Variants in ARHGAP32 observed in about 807,000 individuals in gnomAD.
ARHGAP32 encodes the protein rho GTPase-activating protein 32.
In ARHGAP32, 51 loss-of-function variants were observed where a neutral mutation model predicts 186.5. That is an observed-to-expected ratio of 0.27 (90% CI 0.22 to 0.35). The LOEUF is 0.35. Ranked by LOEUF, ARHGAP32 falls within the 10% of genes least tolerant of loss-of-function variation. ARHGAP32 has a pLI of 1.00. For missense variants in ARHGAP32, 2,186 were observed against 2,623.5 expected, an observed-to-expected ratio of 0.83 and a Z score of 3.64; for synonymous variants, 950 against 964.3, an observed-to-expected ratio of 0.99 and a Z score of 0.27.
At chr11:129,167,236 T>A (rs1261048539) in intron 1 of ARHGAP32, among the ~76,000 whole-genome samples, 1 of 152,150 alleles carries the variant, frequency 6.6e-6, no homozygotes, top group African/African-American at 2.4e-5. Flanking sequence ...CTGGGAAAGA[T>A]ACGGAGAAAT....
chr11:129,047,657 T>A (rs1003582372), intron 10 of ARHGAP32, among the ~76,000 whole-genome samples: 8 of 151,970 alleles, frequency 5.3e-5, no homozygotes, highest in African/African-American at 1.9e-4. Context: ...TTTGAACCAA[T>A]ACAAATTCAC....
intron 11 of ARHGAP32, among the ~76,000 whole-genome samples, chr11:129,020,470 A>C (rs1255951700): frequency 6.6e-6 from 1 of 152,002 alleles, no homozygotes; most frequent in Non-Finnish European, 1.5e-5. Context: ...ACTGTTGTTT[A>C]CTTCTTTATT....
rs113342642 is a variant in ARHGAP32, at chr11:129,078,254, G to A, written c.532-11386C>T. On this transcript the variant is annotated intron_variant, in intron 6 of 22. Coordinates refer to ENST00000682385, the MANE Select transcript of ARHGAP32 (RefSeq NM_001378024.1). Reference sequence around the variant, plus strand: ...CAGGAAGCCCCATCCCTAGGGGAAGGGGGTGAGCACCACATCAAGAGAGCA... The same window carrying A: ...CAGGAAGCCCCATCCCTAGGGGAAGAGGGTGAGCACCACATCAAGAGAGCA... Among the ~76,000 whole-genome samples the A allele has an allele frequency of 1.7e-3, 261 of 152,208 alleles. 2 individuals are homozygous for A. The highest frequency in any genetic ancestry group is 2.6e-3 in the Admixed American group (40 of 15,294).
chr11:129,188,351 C>T (rs1944204334), intron 1 of ARHGAP32, among the ~76,000 whole-genome samples: 1 of 152,170 alleles, frequency 6.6e-6, no homozygotes, highest in Non-Finnish European at 1.5e-5. Context: ...GATAAAAGAA[C>T]AGGCAGAGTA....
At chr11:129,153,384 T>C (rs546221910) in intron 2 of ARHGAP32, among the ~76,000 whole-genome samples, 3 of 152,092 alleles carry the variant, frequency 2.0e-5, no homozygotes, top group African/African-American at 7.2e-5. Context: ...CAAAAAACAA[T>C]TCTAAAATTT....
upstream of ARHGAP32, among the ~76,000 whole-genome samples, chr11:129,279,605 C>A (rs558062134): frequency 0.011 from 1,639 of 146,502 alleles, 28 homozygotes; most frequent in African/African-American, 0.038. Flanking sequence ...TCCTCCTGCA[C>A]CCGCGACGCC....
intron 2 of ARHGAP32, among the ~76,000 whole-genome samples, chr11:129,159,966 C>T (rs545921101): frequency 6.6e-6 from 1 of 152,050 alleles, no homozygotes; most frequent in South Asian, 2.1e-4. Context: ...AATAACAAAA[C>T]AGAACCAATG....
At chr11:129,048,532 C>G (rs1435461900) in intron 10 of ARHGAP32, among the ~76,000 whole-genome samples, 1 of 150,602 alleles carries the variant, frequency 6.6e-6, no homozygotes, top group African/African-American at 2.4e-5. Context: ...AAGAGAAGAA[C>G]CAAAGGGTGA....
intron 1 of ARHGAP32, among the ~76,000 whole-genome samples, chr11:129,237,923 A>C (rs900806761): frequency 2.0e-5 from 3 of 152,134 alleles, no homozygotes; most frequent in African/African-American, 7.2e-5. Flanking sequence ...GATCCAAAGA[A>C]GTGAGAGTGA....
intron 5 of ARHGAP32, among the ~76,000 whole-genome samples, chr11:129,114,594 C>T (rs1340199907): frequency 2.0e-5 from 3 of 152,082 alleles, no homozygotes; most frequent in African/African-American, 7.2e-5. Flanking sequence ...AGTACCTGAA[C>T]TACATGTACA....
chr11:129,115,989 A>T (rs1942357607), intron 5 of ARHGAP32, among the ~76,000 whole-genome samples: 1 of 152,054 alleles, frequency 6.6e-6, no homozygotes, highest in African/African-American at 2.4e-5. Context: ...TAAACACAGG[A>T]TATCTCTGGT....
At chr11:129,179,519 T>C (rs368111451) in intron 1 of ARHGAP32, among the ~76,000 whole-genome samples, 14,872 of 144,884 alleles carry the variant, frequency 0.1, 975 homozygotes, top group Non-Finnish European at 0.13. Context: ...GCATTATTCA[T>C]GATAGCAAAG....
At chr11:128,982,268 T>C (rs919203137) in intron 15 of ARHGAP32, among the ~76,000 whole-genome samples, 1 of 152,146 alleles carries the variant, frequency 6.6e-6, no homozygotes, top group African/African-American at 2.4e-5. Context: ...AAAATTCCAA[T>C]AGGCATCAAG....
chr11:129,135,771 A>C (rs1044344103), intron 2 of ARHGAP32, among the ~76,000 whole-genome samples: 20 of 152,024 alleles, frequency 1.3e-4, no homozygotes, highest in African/African-American at 4.8e-4. Flanking sequence ...CATCTCAAAA[A>C]AAAACAAACA....
chr11:129,138,956 A>C (rs1942992336), intron 2 of ARHGAP32, among the ~76,000 whole-genome samples: 1 of 152,216 alleles, frequency 6.6e-6, no homozygotes, highest in Non-Finnish European at 1.5e-5. Context: ...GATTTTTATC[A>C]CAAAACCTAC....
intron 11 of ARHGAP32, among the ~76,000 whole-genome samples, chr11:129,029,156 C>T (rs563438033): frequency 1.3e-5 from 2 of 152,180 alleles, no homozygotes; most frequent in East Asian, 3.9e-4. Flanking sequence ...TCAATTCAGC[C>T]CATCTTTTGC....
chr11:129,099,941 C>T (rs1941844804), intron 5 of ARHGAP32, among the ~76,000 whole-genome samples: 1 of 152,170 alleles, frequency 6.6e-6, no homozygotes, highest in Non-Finnish European at 1.5e-5. Flanking sequence ...CTGTGCACTG[C>T]ACCAGGACTC....
chr11:129,127,990 C>T, intron 2 of ARHGAP32, among the ~76,000 whole-genome samples: 1 of 152,250 alleles, frequency 6.6e-6, no homozygotes, highest in East Asian at 1.9e-4. Flanking sequence ...GAAAATTAGA[C>T]AAAAACATTA....
At position 128,980,637 on chromosome 11, in the gene ARHGAP32, G is replaced by C; in HGVS notation, c.1892C>G (p.Thr631Arg). 1.2e-6 allele frequency: 2 copies of C among 1,613,752 alleles called. No homozygotes were observed. The highest frequency in any genetic ancestry group is 1.7e-6 in the Non-Finnish European group (2 of 1,179,852). Reference sequence around the variant, plus strand: ...TCCTACTTCGATATATTTATTTTCCGTCACAATTGGAGAATTGACCTGAGC... The same window carrying C: ...TCCTACTTCGATATATTTATTTTCCCTCACAATTGGAGAATTGACCTGAGC... ...TQAQVNSPIV[T>R]ENKYIEVGEG... Residue 631 changes from threonine (T) to arginine (R), a missense_variant, in exon 18 of 23, where the codon ACG (threonine) becomes AGG (arginine). Physicochemically the swap from Thr to Arg is moderately conservative, Grantham distance 71. Coordinates refer to ENST00000682385, the MANE Select transcript of ARHGAP32 (RefSeq NM_001378024.1).
Sources: allele counts gnomAD v4.1 joint callset (sites outside exome capture counted in the v4.1 genomes callset), GRCh38; gene constraint gnomAD v4.1.1; transcripts MANE v1.5; gene names NCBI Gene and HGNC (gene_info 2026-07-23, HGNC 2026-07-21).